Variants in MYO1F observed in about 807,000 individuals in gnomAD.
MYO1F encodes unconventional myosin-If.
MYO1F carries 60 observed loss-of-function variants against 146.6 expected under a neutral mutation model. That is an observed-to-expected ratio of 0.41 (90% CI 0.33 to 0.51). The LOEUF is 0.51. MYO1F is among the 20% of genes least tolerant of loss of function. The pLI, the probability that MYO1F is intolerant of heterozygous loss-of-function variation, is 0.25. For missense variants in MYO1F, 1,274 were observed against 1,534.3 expected (o/e 0.83, Z 2.83); for synonymous variants, 602 against 602.1 (o/e 1.00, Z 0.00).
chr19:8,561,381 C>T (rs1396316353), intron 1 of MYO1F, among the ~76,000 whole-genome samples: 102 of 102,568 alleles, frequency 9.9e-4, no homozygotes, highest in Non-Finnish European at 1.6e-3. Context: ...TCCCTCCCTT[C>T]CCCCCTTCTT....
chr19:8,545,862 C>T, intron 12 of MYO1F, 126 bp from the exon 13 acceptor site: 1 of 760,156 alleles, frequency 1.3e-6, no homozygotes, highest in Non-Finnish European at 2.4e-6. Context: ...CCCGTCACTC[C>T]TATGTGGGCA....
chr19:8,553,894 A>ACACACT lies in MYO1F; in HGVS notation c.327-458_327-457insAGTGTG. Among the ~76,000 whole-genome samples, 290 of 102,668 alleles carry ACACACT rather than the reference A, an allele frequency of 2.8e-3. 1 individual carries two copies. Among genetic ancestry groups the ACACACT allele is most frequent in the Non-Finnish European group, 4.5e-3 (239 of 52,788 alleles). 67.4% of individuals were successfully genotyped at this position (102,668 alleles called of 152,430 possible). A position where few individuals can be genotyped will look rare whatever the true frequency, so the allele number is the denominator to read the frequency against. On this transcript the variant is annotated intron_variant, in intron 4 of 27. Coordinates refer to ENST00000644032, the MANE Select transcript of MYO1F (RefSeq NM_012335.4). The stretch of plus-strand genomic sequence containing the variant: ...CACACACACACACACACACACACAC[A>ACACACT]CTCTCTCTCTCTCTCTCTCTCTCTC...
chr19:8,521,580 C>T lies in MYO1F; in HGVS notation c.3245G>A (p.Arg1082Gln), dbSNP rs367568601. ...GAAAAGGCCCTCCTGGCCGTGAAGC[C>T]GGCCCTTCCACCAGCCCGAGGGATC... is the stretch of plus-strand genomic sequence containing the variant. ...MEDPSGWWKGRLHGQEGLFPG... is the reference protein window; with the variant it reads ...MEDPSGWWKGQLHGQEGLFPG... The change falls in exon 28 of 28, where the codon CGG becomes CAG. Residue 1082 changes from arginine to glutamine, a missense_variant. By Grantham distance (43) the Arg-to-Gln change is conservative. Transcript: ENST00000644032. 102 of 1,614,016 alleles carry T rather than the reference C, an allele frequency of 6.3e-5. No individual in the cohort carries two copies. The highest frequency in any genetic ancestry group is 8.3e-5 in the Admixed American group (5 of 59,992).
intron 22 of MYO1F, 129 bp downstream of exon 22, chr19:8,527,205 CAGGT>C: frequency 3.9e-6 from 5 of 1,268,960 alleles, no homozygotes; most frequent in Non-Finnish European, 5.6e-6. Context: ...GTGAACATGA[CAGGT>C]GGGGCCAACA....
intron 10 of MYO1F, chr19:8,549,362 C>T (rs2077451542): frequency 6.6e-6 from 1 of 151,916 alleles, no homozygotes; most frequent in Admixed American, 6.6e-5. Flanking sequence ...GCCTCAACCT[C>T]CTGGGGTCAG....
chr19:8,561,877 C>T (rs907704001), intron 1 of MYO1F, among the ~76,000 whole-genome samples: 122 of 151,846 alleles, frequency 8.0e-4, no homozygotes, highest in Non-Finnish European at 2.8e-4. Context: ...CCACCACACC[C>T]GGCTAATTTT....
intron 1 of MYO1F, among the ~76,000 whole-genome samples, chr19:8,564,160 C>T (rs1382631926): frequency 6.6e-6 from 1 of 151,918 alleles, no homozygotes; most frequent in Non-Finnish European, 1.5e-5. Flanking sequence ...GTGGATGGAT[C>T]ACTTGAGGTC....
chr19:8,522,255 C>A, intron 27 of MYO1F, 122 bp downstream of exon 27: 1 of 1,238,068 alleles, frequency 8.1e-7, no homozygotes, highest in Non-Finnish European at 1.2e-6. Flanking sequence ...ATCTCCTGAC[C>A]TCGTGATCTG....
intron 1 of MYO1F, among the ~76,000 whole-genome samples, chr19:8,571,927 G>A (rs1354886777): frequency 6.6e-6 from 1 of 152,144 alleles, no homozygotes; most frequent in Non-Finnish European, 1.5e-5. Context: ...GTTTCACTGT[G>A]TTAGCCAGGA....
chr19:8,570,861 C>T (rs1361648503), intron 1 of MYO1F, among the ~76,000 whole-genome samples: 3 of 152,126 alleles, frequency 2.0e-5, no homozygotes, highest in Non-Finnish European at 4.4e-5. Flanking sequence ...AATCCTCTTT[C>T]ATTTTAGATT....
intron 19 of MYO1F, among the ~76,000 whole-genome samples, chr19:8,532,246 C>A (rs989350207): frequency 4.6e-5 from 7 of 151,924 alleles, no homozygotes; most frequent in Admixed American, 2.0e-4. Flanking sequence ...ACCTGCACAG[C>A]CATCCGTAGC....
intron 14 of MYO1F, among the ~76,000 whole-genome samples, chr19:8,543,450 T>C (rs1366446307): frequency 6.8e-6 from 1 of 146,584 alleles, no homozygotes; most frequent in African/African-American, 2.5e-5. Context: ...GATCAGAAGG[T>C]GGGGGGCTGT....
rs1973457549 is a variant in MYO1F at position 8,548,287 on chromosome 19, C to T, written c.1132G>A (p.Glu378Lys). 1.2e-6 allele frequency: 2 copies of T among 1,613,572 alleles called. No individual in the cohort carries two copies. The highest frequency in any genetic ancestry group is 8.5e-7 in the Non-Finnish European group (1 of 1,180,008). The change falls in exon 11 of 28, where the codon GAA becomes AAA. Residue 378 changes from glutamate to lysine, a missense_variant. Glu to Lys is a moderately conservative substitution (Grantham distance 56). Transcript: ENST00000644032. ...AINRAMQKPQ[E>K]EYSIGVLDIY... ...TCCAGCACACCGATGCTGTACTCTT[C>T]CTGGGGTTTCTGCATAGCACGGTTG...
intron 1 of MYO1F, among the ~76,000 whole-genome samples, chr19:8,573,180 G>A (rs62119436): frequency 0.23 from 35,567 of 151,742 alleles, 5,009 homozygotes; most frequent in East Asian, 0.59. Context: ...GCATGGTGGC[G>A]GGCGCCTGTA....
At chr19:8,554,280 G>T (rs575503603) in intron 4 of MYO1F, among the ~76,000 whole-genome samples, 197 bp downstream of exon 4, 11 of 152,238 alleles carry the variant, frequency 7.2e-5, no homozygotes, top group Non-Finnish European at 1.6e-4. Context: ...AGAGGGGACA[G>T]ACAGACAATA....
rs748095630 is a variant in MYO1F, at chr19:8,554,716, C to T, written c.169G>A (p.Val57Ile). 6.8e-6 allele frequency: 11 copies of T among 1,613,902 alleles called. No individual in the cohort carries two copies. The highest frequency in any genetic ancestry group is 6.7e-5 in the East Asian group (3 of 44,846). Reference protein sequence around the residue: ...FTYIGSVLISVNPFKQMPYFT... With the variant: ...FTYIGSVLISINPFKQMPYFT... The stretch of plus-strand genomic sequence containing the variant: ...TAGGGCATCTGCTTGAAGGGGTTTA[C>T]AGAGATGAGCACAGAGCCGATGTAG... The change falls in exon 3 of 28, where the codon GTA (valine) becomes ATA (isoleucine). Residue 57 changes from valine to isoleucine, a missense_variant. Physicochemically the swap from Val to Ile is conservative, Grantham distance 29 (BLOSUM62 3). Transcript: ENST00000644032.
At chr19:8,527,151 G>T (rs1474698961) in intron 22 of MYO1F, among the ~76,000 whole-genome samples, 187 bp downstream of exon 22, 1 of 152,076 alleles carries the variant, frequency 6.6e-6, no homozygotes. Flanking sequence ...TAAGGTGCAG[G>T]ACGGAAGGAT....
At chr19:8,541,343 C>A (rs1972953481) in intron 15 of MYO1F, among the ~76,000 whole-genome samples, 2 of 150,888 alleles carry the variant, frequency 1.3e-5, no homozygotes, top group South Asian at 4.2e-4. Context: ...GGTCTAAGAA[C>A]CACATGTCAA....
chr19:8,552,294 T>C (rs1973646750), intron 6 of MYO1F, 130 bp from the exon 7 acceptor site: 2 of 1,020,342 alleles, frequency 2.0e-6, no homozygotes, highest in African/African-American at 1.6e-5. Context: ...AATCTGACTC[T>C]GTTGCTCAGG....
Sources: gnomAD v4.1 joint callset for allele counts (sites outside exome capture counted in the v4.1 genomes callset) on GRCh38, gnomAD v4.1.1 for gene constraint, MANE v1.5 for transcripts, NCBI Gene and HGNC (gene_info 2026-07-23, HGNC 2026-07-21) for gene names.